The following CACNB2 variants were observed in gnomAD, a reference collection of about 807,000 sequenced individuals.
CACNB2 encodes calcium voltage-gated channel auxiliary subunit beta 2.
Under a neutral mutation model 73.3 loss-of-function variants are expected in CACNB2, and 42 were observed. That is an observed-to-expected ratio of 0.57 (90% confidence interval 0.45 to 0.74). The LOEUF is 0.74. CACNB2 is among the 30% of genes least tolerant of loss of function. CACNB2 has a pLI of 0.00. For missense variants in CACNB2, 940 were observed against 853.0 expected (o/e 1.10, Z -1.27); for synonymous variants, 348 against 310.3 (o/e 1.12, Z -1.28).
At position 18,442,986 on chromosome 10, in the gene CACNB2, GTATATATATA is replaced by G. The variant is rs369054241; in HGVS notation, c.333+40945_333+40954del. The stretch of plus-strand genomic sequence containing the variant: ...TATATATATGTGTATATATATATAT[GTATATATATA>G]TGTGTATATATATATATGTATATAT... On this transcript the variant is annotated intron_variant, in intron 3 of 13. Transcript: ENST00000324631. Among the ~76,000 whole-genome samples, 21 of 19,246 alleles carry G rather than the reference GTATATATATA, an allele frequency of 1.1e-3. 6 individuals are homozygous for G. Among genetic ancestry groups the G allele is most frequent in the South Asian group, 8.2e-3 (5 of 610 alleles). 12.6% of individuals were successfully genotyped at this position (19,246 alleles called of 152,430 possible).
chr10:18,327,053 T>C (rs565816075), intron 2 of CACNB2, among the ~76,000 whole-genome samples: 2 of 152,082 alleles, frequency 1.3e-5, no homozygotes, highest in African/African-American at 4.8e-5. Context: ...TTTTTAAGCA[T>C]TCCCATAGGC....
chr10:18,233,255 C>T (rs760896779), intron 2 of CACNB2, among the ~76,000 whole-genome samples: 6 of 152,252 alleles, frequency 3.9e-5, no homozygotes, highest in East Asian at 3.9e-4. Context: ...AGGACACTGA[C>T]GTCACACAAG....
At chr10:18,377,777 G>C (rs577013834) in intron 2 of CACNB2, among the ~76,000 whole-genome samples, 50 of 152,210 alleles carry the variant, frequency 3.3e-4, no homozygotes, top group African/African-American at 1.1e-3. Context: ...CCACAAGCCT[G>C]GTATAAAAAT....
At chr10:18,250,273 C>CT (rs536700232) in intron 2 of CACNB2, among the ~76,000 whole-genome samples, 278 of 152,328 alleles carry the variant, frequency 1.8e-3, no homozygotes, top group African/African-American at 6.2e-3. Flanking sequence ...CCTCCAGTGG[C>CT]TTTCCTCCCA....
At chr10:18,385,986 C>G (rs2043214193) in intron 2 of CACNB2, among the ~76,000 whole-genome samples, 2 of 152,162 alleles carry the variant, frequency 1.3e-5, no homozygotes, top group African/African-American at 4.8e-5. Context: ...ATAAAAGTCC[C>G]AGAATCAGAA....
intron 2 of CACNB2, among the ~76,000 whole-genome samples, chr10:18,300,753 G>T (rs1269299751): frequency 6.6e-6 from 1 of 152,124 alleles, no homozygotes; most frequent in Non-Finnish European, 1.5e-5. Context: ...GGAGGCTGAG[G>T]TATGAGAATT....
At chr10:18,509,260 C>G (rs1047934182) in intron 6 of CACNB2, among the ~76,000 whole-genome samples, 1 of 152,206 alleles carries the variant, frequency 6.6e-6, no homozygotes. Context: ...TCATTTTCAT[C>G]GTTTCCAAAG....
intron 2 of CACNB2, chr10:18,400,992 C>CGGG (rs2043967542): frequency 1.2e-6 from 2 of 1,613,526 alleles, no homozygotes; most frequent in Non-Finnish European, 1.7e-6. Context: ...AACCTGTGCC[C>CGGG]GGGGCTGCAG....
At chr10:18,298,600 G>C (rs1026289604) in intron 2 of CACNB2, among the ~76,000 whole-genome samples, 2 of 152,208 alleles carry the variant, frequency 1.3e-5, no homozygotes, top group Admixed American at 6.5e-5. Flanking sequence ...AGTTCCAAGA[G>C]ATCTGGGTCT....
At chr10:18,400,068 A>G (rs2043912286) in intron 2 of CACNB2, among the ~76,000 whole-genome samples, 1 of 152,178 alleles carries the variant, frequency 6.6e-6, no homozygotes, top group Non-Finnish European at 1.5e-5. Context: ...TCAGTTGGAG[A>G]AGCAGTTCGA....
At chr10:18,277,629 A>G (rs1440304898) in intron 2 of CACNB2, among the ~76,000 whole-genome samples, 2 of 152,254 alleles carry the variant, frequency 1.3e-5, no homozygotes, top group East Asian at 3.8e-4. Context: ...TAATTAAAGC[A>G]TATCTCATAA....
In CACNB2 at chr10:18,518,924, G is replaced by T; in HGVS notation, c.900G>T (p.Met300Ile). 6.2e-7 allele frequency: 1 copy of T among 1,613,688 alleles called. No individual in the cohort carries two copies. Among genetic ancestry groups the T allele is most frequent in the Non-Finnish European group, 8.5e-7 (1 of 1,179,716 alleles). Residue 300 changes from methionine to isoleucine, a missense_variant, in exon 9 of 14, where the codon ATG becomes ATT. Met to Ile is a conservative substitution (Grantham distance 10). Transcript: ENST00000324631. ...SLKGYEVTDM[M>I]QKALFDFLKH... ...CTCAATTGCAGGTCACAGATATGAT[G>T]CAAAAAGCGCTGTTTGATTTTTTAA...
intron 3 of CACNB2, among the ~76,000 whole-genome samples, chr10:18,456,049 T>C (rs991357528): frequency 6.6e-6 from 1 of 152,212 alleles, no homozygotes; most frequent in African/African-American, 2.4e-5. Context: ...TTGCCTTTTT[T>C]TCCATTTCCC....
Position 18,449,120 on chromosome 10 carries a change from C to T in CACNB2, c.333+47077C>T, listed in dbSNP as rs192481107. The stretch of plus-strand genomic sequence containing the variant: ...GAGAACGTGCCCAGGTGCGGTGGCT[C>T]ACGCCTGTAATCCCAGCACTTTGGG... On this transcript the variant is annotated intron_variant, in intron 3 of 13. Transcript: ENST00000324631. Among the ~76,000 whole-genome samples, 963 of 152,306 alleles carry T rather than the reference C, an allele frequency of 6.3e-3. 13 individuals are homozygous for T. The highest frequency in any genetic ancestry group is 0.022 in the African/African-American group (912 of 41,562).
rs1378388396 is a variant in CACNB2 at position 18,315,561 on chromosome 10, G to C, written c.214-86363G>C. ...TTTTTTTAATTAGCCAGATGCAGTG[G>C]TGCCTGCCTGTGGTCCCAGTTGCTC... is the stretch of plus-strand genomic sequence containing the variant. On this transcript the variant is annotated intron_variant, in intron 2 of 13. Transcript: ENST00000324631. Among the ~76,000 whole-genome samples the C allele has an allele frequency of 2.8e-5, 4 of 145,398 alleles. No homozygotes were observed. In the East Asian group the frequency reaches 8.0e-4, roughly 29 times the overall value.
chr10:18,503,855 G>A (rs1022444303), intron 5 of CACNB2, among the ~76,000 whole-genome samples: 1 of 152,086 alleles, frequency 6.6e-6, no homozygotes, highest in Non-Finnish European at 1.5e-5. Flanking sequence ...GCCTTTTAAT[G>A]TCATCATGTA....
chr10:18,428,683 C>CAA (rs10525913), intron 3 of CACNB2, among the ~76,000 whole-genome samples: 2 of 143,132 alleles, frequency 1.4e-5, no homozygotes, highest in Non-Finnish European at 1.5e-5. Context: ...GAGACACTGT[C>CAA]AAAAAAAAAA....
intron 2 of CACNB2, among the ~76,000 whole-genome samples, chr10:18,221,615 G>T (rs1400073058): frequency 6.6e-6 from 1 of 152,188 alleles, no homozygotes; most frequent in Non-Finnish European, 1.5e-5. Context: ...GGAGGTGAAG[G>T]TTGCAGTGAG....
intron 2 of CACNB2, among the ~76,000 whole-genome samples, chr10:18,346,368 G>A (rs2041455542): frequency 6.6e-6 from 1 of 151,988 alleles, no homozygotes; most frequent in Non-Finnish European, 1.5e-5. Context: ...TCAAACTCCT[G>A]ACCTCGAGTT....
Sources: gnomAD v4.1 joint callset for allele counts (sites outside exome capture counted in the v4.1 genomes callset) on GRCh38, gnomAD v4.1.1 for gene constraint, MANE v1.5 for transcripts, NCBI Gene and HGNC (gene_info 2026-07-23, HGNC 2026-07-21) for gene names.